The following ADAMTS9 variants were observed in gnomAD, a reference collection of about 807,000 sequenced individuals.
ADAMTS9 encodes A disintegrin and metalloproteinase with thrombospondin motifs 9.
ADAMTS9 carries 107 observed loss-of-function variants against 257.1 expected under a neutral mutation model. The ratio of observed to expected loss-of-function variants is 0.42; its 90% CI spans 0.36 to 0.49. The LOEUF is 0.49. Ranked by LOEUF, ADAMTS9 falls within the 20% of genes least tolerant of loss-of-function variation. The pLI is 0.03. For missense variants in ADAMTS9, 2,353 were observed against 2,469.1 expected (o/e 0.95, Z 1.00); for synonymous variants, 982 against 880.9 (o/e 1.11, Z -2.03).
intron 38 of ADAMTS9, among the ~76,000 whole-genome samples, chr3:64,526,904 C>A (rs2082917643): frequency 6.6e-6 from 1 of 152,148 alleles, no homozygotes; most frequent in Admixed American, 6.5e-5. Flanking sequence ...AAATATCCAT[C>A]ATAGCCTGTT....
chr3:64,557,796 G>T (rs1423323249), intron 30 of ADAMTS9, among the ~76,000 whole-genome samples: 6 of 152,220 alleles, frequency 3.9e-5, no homozygotes, highest in African/African-American at 1.4e-4. Flanking sequence ...ACACTGAACA[G>T]AATTTTGCCT....
At position 64,516,041 on chromosome 3, in the gene ADAMTS9, G is replaced by A. The variant is rs957497455; in HGVS notation, c.*1086C>T. The A allele has an allele frequency of 1.3e-5, 2 of 152,146 alleles. No individual in the cohort carries two copies. The highest frequency in any genetic ancestry group is 2.9e-5 in the Non-Finnish European group (2 of 68,042). 9.4% of individuals were successfully genotyped at this position (152,146 alleles called of 1,614,324 possible). A position where few individuals can be genotyped will look rare whatever the true frequency, so the allele number is the denominator to read the frequency against. On this transcript the variant is annotated 3_prime_UTR_variant, in exon 40 of 40. Transcript: ENST00000498707. ...CATTACTGCAGCGGGCATGAAAACCGGCAGGGTGTTAGGCTCATGGCCTGA... is the reference window on the plus strand; with the variant it reads ...CATTACTGCAGCGGGCATGAAAACCAGCAGGGTGTTAGGCTCATGGCCTGA...
At chr3:64,680,569 C>A (rs532967120) in intron 3 of ADAMTS9, among the ~76,000 whole-genome samples, 1 of 152,022 alleles carries the variant, frequency 6.6e-6, no homozygotes, top group Non-Finnish European at 1.5e-5. Flanking sequence ...AACATGTCAG[C>A]GCAAAACCTC....
At chr3:64,684,739 G>A (rs1338900614) in intron 2 of ADAMTS9, among the ~76,000 whole-genome samples, 2 of 152,120 alleles carry the variant, frequency 1.3e-5, no homozygotes, top group African/African-American at 4.8e-5. Context: ...AAGAAACCAC[G>A]TGCGCACTAC....
chr3:64,568,786 C>T, intron 28 of ADAMTS9: 1 of 387,984 alleles, frequency 2.6e-6, no homozygotes, highest in South Asian at 3.9e-5. Context: ...TGGGTAAATC[C>T]TGAGAATTGG....
At chr3:64,557,933 G>C (rs2083362263) in intron 30 of ADAMTS9, among the ~76,000 whole-genome samples, 1 of 152,092 alleles carries the variant, frequency 6.6e-6, no homozygotes, top group Non-Finnish European at 1.5e-5. Context: ...TATCAAGAAG[G>C]CCCCTTTCCC....
intron 28 of ADAMTS9, among the ~76,000 whole-genome samples, chr3:64,581,780 A>G (rs1011692836): frequency 1.3e-5 from 2 of 152,220 alleles, no homozygotes; most frequent in African/African-American, 4.8e-5. Context: ...GCACCAGTGC[A>G]TAAGTCTGTT....
intron 28 of ADAMTS9, among the ~76,000 whole-genome samples, chr3:64,576,761 G>C (rs1052320226): frequency 3.3e-5 from 5 of 152,190 alleles, no homozygotes; most frequent in African/African-American, 1.2e-4. Flanking sequence ...TCCAGCCTTT[G>C]CAACGCTACA....
intron 11 of ADAMTS9, among the ~76,000 whole-genome samples, chr3:64,647,258 G>A (rs778153744): frequency 1.3e-5 from 2 of 151,928 alleles, no homozygotes; most frequent in Non-Finnish European, 2.9e-5. Flanking sequence ...TTTTTGGGCT[G>A]ATGATGGTAT....
chr3:64,534,476 C>A (rs895379741), intron 37 of ADAMTS9, among the ~76,000 whole-genome samples: 6 of 152,220 alleles, frequency 3.9e-5, no homozygotes, highest in Admixed American at 1.3e-4. Context: ...CAGGGCCTTA[C>A]TATTGCTTTG....
intron 3 of ADAMTS9, among the ~76,000 whole-genome samples, chr3:64,659,482 A>C (rs1404764169): frequency 6.6e-6 from 1 of 152,010 alleles, no homozygotes; most frequent in Non-Finnish European, 1.5e-5. Context: ...ACAAAAAAAA[A>C]AAAAAAAAAA....
intron 14 of ADAMTS9, among the ~76,000 whole-genome samples, chr3:64,632,547 C>T (rs998378841): frequency 2.0e-5 from 3 of 152,328 alleles, no homozygotes; most frequent in African/African-American, 7.2e-5. Context: ...ATCGAGTGGC[C>T]TGCTGAATTT....
At chr3:64,638,423 A>C (rs2106911575) in intron 12 of ADAMTS9, among the ~76,000 whole-genome samples, 1 of 152,156 alleles carries the variant, frequency 6.6e-6, no homozygotes, top group East Asian at 1.9e-4. Flanking sequence ...ATTTTACTCT[A>C]TTACACACGT....
intron 29 of ADAMTS9, 103 bp from the exon 30 acceptor site, chr3:64,561,854 A>G (rs1270782523): frequency 3.1e-6 from 3 of 977,444 alleles, no homozygotes; most frequent in Non-Finnish European, 4.6e-6. Flanking sequence ...TCCTAATCCA[A>G]TGACTTTCAT....
intron 39 of ADAMTS9, among the ~76,000 whole-genome samples, chr3:64,519,681 A>G (rs1176389953): frequency 6.6e-6 from 1 of 152,172 alleles, no homozygotes; most frequent in Non-Finnish European, 1.5e-5. Flanking sequence ...CACACAAACA[A>G]TTAAAAACAA....
chr3:64,549,082 G>A (rs536236709), intron 31 of ADAMTS9, among the ~76,000 whole-genome samples: 1 of 152,308 alleles, frequency 6.6e-6, no homozygotes, highest in Non-Finnish European at 1.5e-5. Context: ...TTCTTTTCTA[G>A]AGAGGATGCT....
At chr3:64,612,070 T>C (rs2084674121) in intron 22 of ADAMTS9, among the ~76,000 whole-genome samples, 1 of 152,172 alleles carries the variant, frequency 6.6e-6, no homozygotes, top group East Asian at 1.9e-4. Flanking sequence ...ATTTCTTCAG[T>C]GTAGAGGTAG....
chr3:64,633,771 A>G lies in ADAMTS9; in HGVS notation c.1965T>C (p.Ala655=). 2 of 1,613,632 alleles carry G rather than the reference A, an allele frequency of 1.2e-6. No individual in the cohort carries two copies. The highest frequency in any genetic ancestry group is 1.7e-6 in the Non-Finnish European group (2 of 1,179,958). Residue 655 remains alanine (A), a synonymous_variant, in exon 13 of 40, where the codon GCT becomes GCC. Coordinates refer to ENST00000498707, the MANE Select transcript of ADAMTS9 (RefSeq NM_182920.2). ...QKRDFRDEQC[A]HFDGKHFNIN... ...TGTTAAAATGCTTCCCGTCAAAGTG[A>G]GCACACTGTTCATCTCGGAAGTCTC...
chr3:64,665,084 C>T (rs944529117), intron 3 of ADAMTS9, among the ~76,000 whole-genome samples: 1 of 152,160 alleles, frequency 6.6e-6, no homozygotes, highest in Non-Finnish European at 1.5e-5. Context: ...AAGTGTAATA[C>T]TTAGCAATCT....
Sources: gnomAD v4.1 joint callset for allele counts (sites outside exome capture counted in the v4.1 genomes callset) on GRCh38, gnomAD v4.1.1 for gene constraint, MANE v1.5 for transcripts, NCBI Gene and HGNC (gene_info 2026-07-23, HGNC 2026-07-21) for gene names.